KLC2: variants seen among roughly 807,000 people sequenced by gnomAD.
The protein encoded by KLC2 is kinesin light chain 2.
In KLC2, 35 loss-of-function variants were observed where a neutral mutation model predicts 75.1. The observed-to-expected ratio is 0.47, with a 90% CI of 0.36 to 0.62. The LOEUF (loss-of-function observed/expected upper bound fraction) is 0.62. Ranked by LOEUF, KLC2 falls within the 20% of genes least tolerant of loss-of-function variation. The pLI, the probability that KLC2 is intolerant of heterozygous loss-of-function variation, is 0.00. For synonymous variants in KLC2, 314 were observed against 336.7 expected (o/e 0.93, Z 0.74); for missense variants, 611 against 833.2 (o/e 0.73, Z 3.28).
upstream of KLC2, among the ~76,000 whole-genome samples, chr11:66,254,664 TA>T (rs34541214): frequency 0.015 from 1,647 of 107,828 alleles, 35 homozygotes; most frequent in African/African-American, 0.055. Flanking sequence ...CCTCGGCTCT[TA>T]AAAAAAAAAA....
chr11:66,262,343 G>A, intron 4 of KLC2, 151 bp downstream of exon 4: 1 of 652,206 alleles, frequency 1.5e-6, no homozygotes, highest in Non-Finnish European at 2.8e-6. Context: ...ACGTGCTGCT[G>A]CTTCTCACAT....
intron 9 of KLC2, chr11:66,264,821 T>C (rs1306889935): frequency 1.0e-5 from 6 of 598,846 alleles, no homozygotes; most frequent in Non-Finnish European, 1.8e-5. Flanking sequence ...AGCACATGTC[T>C]TGGGCTGTGG....
At position 66,267,726 on chromosome 11, in the gene KLC2, C is replaced by A. The variant is rs1286472919; in HGVS notation, c.*770C>A. 2.0e-6 allele frequency: 1 copy of A among 489,178 alleles called. No individual in the cohort carries two copies. The highest frequency in any genetic ancestry group is 3.6e-6 in the Non-Finnish European group (1 of 279,000). 30.3% of individuals were successfully genotyped at this position (489,178 alleles called of 1,614,324 possible). ...CCACCGAGCCATCCTGCCTCGCCTC[C>A]CCCCACGCCTGCAGCTTCTCGCGAG... On this transcript the variant is annotated 3_prime_UTR_variant, in exon 16 of 16. Coordinates refer to ENST00000394067, the MANE Select transcript of KLC2 (RefSeq NM_001318734.2).
rs75967411 is a variant in KLC2, at chr11:66,263,446, G to A, written c.753-214G>A. Among the ~76,000 whole-genome samples the A allele has an allele frequency of 7.1e-3, 1,085 of 152,326 alleles. 16 individuals carry two copies. Among genetic ancestry groups the A allele is most frequent in the African/African-American group, 0.024 (1,015 of 41,580 alleles). On this transcript the variant is annotated intron_variant, in intron 5 of 15. Transcript: ENST00000394067. ...GAATGCTAGGCACCAGGCAGTCGGT[G>A]GGACCCCAGCACTGCGCACCCCAGC...
the KLC2 span, among the ~76,000 whole-genome samples, chr11:66,250,392 C>T: frequency 2.6e-5 from 4 of 152,140 alleles, no homozygotes; most frequent in Non-Finnish European, 5.9e-5. Context: ...GCACACATAT[C>T]GGCTGAGAAG....
Position 66,261,983 on chromosome 11 carries a change from A to G in KLC2, c.459+11A>G, listed in dbSNP as rs766360636. ...GACGCCTCCCCTAACGTGAGCTCCT[A>G]CCATGGTCACTGTTGCCCAGCAAGG... On this transcript the variant is annotated intron_variant, in intron 3 of 15. Coordinates refer to ENST00000394067, the MANE Select transcript of KLC2 (RefSeq NM_001318734.2). 6.2e-7 allele frequency: 1 copy of G among 1,609,368 alleles called. No individual in the cohort carries two copies. Among genetic ancestry groups the G allele is most frequent in the African/African-American group, 1.3e-5 (1 of 74,964 alleles).
At position 66,264,396 on chromosome 11, in the gene KLC2, A is replaced by C; in HGVS notation, c.1168A>C (p.Lys390Gln). The C allele has an allele frequency of 6.2e-7, 1 of 1,613,704 alleles. No homozygotes were observed. The highest frequency in any genetic ancestry group is 2.2e-5 in the East Asian group (1 of 44,878). Residue 390 changes from lysine (K) to glutamine (Q), a missense_variant, in exon 9 of 16, where the codon AAG becomes CAG. Transcript: ENST00000394067. ...GKYQDAETLY[K>Q]EILTRAHEKE... is the part of the protein sequence containing the mutation. ...GTACCAGGATGCGGAGACCTTGTAC[A>C]AGGAGATCCTCACCCGCGCTCATGA...
chr11:66,245,438 C>T, the KLC2 span, among the ~76,000 whole-genome samples: 1 of 152,164 alleles, frequency 6.6e-6, no homozygotes, highest in Non-Finnish European at 1.5e-5. Flanking sequence ...AAAAAATTGG[C>T]TGGGTGCGGT....
chr11:66,245,845 G>A, the KLC2 span, among the ~76,000 whole-genome samples: 10 of 152,248 alleles, frequency 6.6e-5, no homozygotes, highest in Admixed American at 5.2e-4. Context: ...TCGTGCCACC[G>A]CACTCCAGCC....
Position 66,265,188 on chromosome 11 carries a change from C to T in KLC2, c.1287C>T (p.Ala429=). The T allele has an allele frequency of 1.2e-6, 2 of 1,602,560 alleles. No individual in the cohort carries two copies. The highest frequency in any genetic ancestry group is 8.5e-7 in the Non-Finnish European group (1 of 1,171,274). Residue 429 remains alanine (A), a synonymous_variant, in exon 11 of 16, where the codon GCC becomes GCT. Coordinates refer to ENST00000394067, the MANE Select transcript of KLC2 (RefSeq NM_001318734.2). ...TCCAGGATAAGCGCCGGGACAGCGCCCCCTATGGGGAATACGGCAGCTGGT... is the reference window on the plus strand; with the variant it reads ...TCCAGGATAAGCGCCGGGACAGCGCTCCCTATGGGGAATACGGCAGCTGGT... ...EESKDKRRDS[A]PYGEYGSWYK...
the KLC2 span, among the ~76,000 whole-genome samples, chr11:66,250,707 C>A: frequency 6.6e-6 from 1 of 152,206 alleles, no homozygotes; most frequent in African/African-American, 2.4e-5. Context: ...GAGTGGCATA[C>A]TGAAGACATC....
chr11:66,261,063 TA>T (rs60556220), intron 2 of KLC2: 27,268 of 135,980 alleles, frequency 0.2, 3,203 homozygotes, highest in Middle Eastern at 0.38. Context: ...TGTCTTAAAT[TA>T]AAAAAAAAAA....
chr11:66,255,807 C>T (rs1033061278), upstream of KLC2, among the ~76,000 whole-genome samples: 2 of 150,576 alleles, frequency 1.3e-5, no homozygotes, highest in African/African-American at 4.9e-5. Flanking sequence ...TCTCTGTCAC[C>T]CAGGCTGGAG....
chr11:66,263,410 G>C (rs1314580739), intron 5 of KLC2, among the ~76,000 whole-genome samples: 1 of 152,232 alleles, frequency 6.6e-6, no homozygotes, highest in Non-Finnish European at 1.5e-5. Context: ...GGAGAGCCAT[G>C]TGGCGCCCAG....
chr11:66,251,213 C>G, the KLC2 span, among the ~76,000 whole-genome samples: 2 of 152,078 alleles, frequency 1.3e-5, 1 homozygote, highest in Non-Finnish European at 2.9e-5. Flanking sequence ...GAGTTGAGGC[C>G]GGGCATGGCG....
chr11:66,260,218 C>T (rs969195262), intron 2 of KLC2, among the ~76,000 whole-genome samples: 11 of 151,452 alleles, frequency 7.3e-5, no homozygotes, highest in Admixed American at 7.2e-4. Flanking sequence ...GTCACTTAGG[C>T]ATTTGCTAAC....
chr11:66,264,721 G>A (rs1856694057), intron 9 of KLC2: 1 of 583,536 alleles, frequency 1.7e-6, no homozygotes, highest in Non-Finnish European at 3.1e-6. Flanking sequence ...GCCTGCCCCA[G>A]TGTCTCCCAC....
chr11:66,262,247 C>A, intron 4 of KLC2, 55 bp downstream of exon 4: 2 of 1,430,162 alleles, frequency 1.4e-6, no homozygotes, highest in South Asian at 2.3e-5. Context: ...AACTCTTGGT[C>A]CTTGGGACCG....
In KLC2 at chr11:66,267,475, T is replaced by C. The variant is rs762246776; in HGVS notation, c.*519T>C. ...CCGTGCGGTGGTATCTCCCAGGCTC[T>C]ACATTCTCGGGAGCGGCGCCTCCCA... On this transcript the variant is annotated 3_prime_UTR_variant, in exon 16 of 16. Coordinates refer to ENST00000394067, the MANE Select transcript of KLC2 (RefSeq NM_001318734.2). The C allele has an allele frequency of 3.1e-4, 220 of 706,240 alleles. No homozygotes were observed. Among genetic ancestry groups the C allele is most frequent in the Non-Finnish European group, 5.2e-4 (197 of 377,320 alleles). The allele number at this position is 706,240 out of a possible 1,614,324, so 43.7% of individuals were successfully genotyped here.
Sources: allele counts gnomAD v4.1 joint callset (sites outside exome capture counted in the v4.1 genomes callset), GRCh38; gene constraint gnomAD v4.1.1; transcripts MANE v1.5; gene names NCBI Gene and HGNC (gene_info 2026-07-23, HGNC 2026-07-21).